Variants in CDADC1 observed in about 807,000 individuals in gnomAD.
The protein encoded by CDADC1 is dCTP deaminase.
In CDADC1, 39 loss-of-function variants were observed where a neutral mutation model predicts 54.9. The observed-to-expected ratio is 0.71, with a 90% CI of 0.55 to 0.93. The LOEUF is 0.93. CDADC1 is among the 40% of genes least tolerant of loss of function. The pLI, the probability that CDADC1 is intolerant of heterozygous loss-of-function variation, is 0.00. For missense variants in CDADC1, 518 were observed against 618.8 expected (o/e 0.84, Z 1.73); for synonymous variants, 186 against 204.0 (o/e 0.91, Z 0.75).
At chr13:49,291,192 G>A (rs1426274379) in intron 9 of CDADC1, among the ~76,000 whole-genome samples, 4 of 142,126 alleles carry the variant, frequency 2.8e-5, no homozygotes, top group Admixed American at 1.5e-4. Flanking sequence ...TTTGAGACAG[G>A]GTCTCGCTGT....
intron 2 of CDADC1, among the ~76,000 whole-genome samples, chr13:49,253,071 T>G (rs1315780206): frequency 6.6e-6 from 1 of 152,220 alleles, no homozygotes; most frequent in Non-Finnish European, 1.5e-5. Flanking sequence ...GTAATAAGAT[T>G]GTTTCACTTA....
At chr13:49,291,202 T>C (rs963444109) in intron 9 of CDADC1, among the ~76,000 whole-genome samples, 3 of 150,596 alleles carry the variant, frequency 2.0e-5, no homozygotes, top group African/African-American at 7.3e-5. Flanking sequence ...GGTCTCGCTG[T>C]GTCACCCAGG....
At chr13:49,270,533 T>C (rs1184323091) in intron 5 of CDADC1, among the ~76,000 whole-genome samples, 14 of 152,178 alleles carry the variant, frequency 9.2e-5, no homozygotes, top group Admixed American at 9.2e-4. Context: ...TTTAAAAAGG[T>C]AATATGGTAC....
At position 49,291,925 on chromosome 13, in the gene CDADC1, T is replaced by C; in HGVS notation, c.*168T>C. On this transcript the variant is annotated 3_prime_UTR_variant, in exon 10 of 10. Transcript: ENST00000251108. Reference sequence around the variant, plus strand: ...CAAATGGTGTTAATAAGAATATTTGTCTTTTAGATTTATGTGTGGGTTTTC... The same window carrying C: ...CAAATGGTGTTAATAAGAATATTTGCCTTTTAGATTTATGTGTGGGTTTTC... The C allele has an allele frequency of 7.2e-7, 1 of 1,382,962 alleles. No individual in the cohort carries two copies. Among genetic ancestry groups the C allele is most frequent in the South Asian group, 1.7e-5 (1 of 60,324 alleles). The allele number at this position is 1,382,962 out of a possible 1,614,324, so 85.7% of individuals were successfully genotyped here.
intron 4 of CDADC1, among the ~76,000 whole-genome samples, chr13:49,260,995 T>A (rs1339421298): frequency 6.6e-6 from 1 of 152,170 alleles, no homozygotes; most frequent in African/African-American, 2.4e-5. Context: ...TATGGAGTCA[T>A]CAAGTTGTAA....
chr13:49,290,188 C>T (rs931186733), intron 9 of CDADC1, among the ~76,000 whole-genome samples: 2 of 151,688 alleles, frequency 1.3e-5, no homozygotes, highest in African/African-American at 4.8e-5. Flanking sequence ...GGGGATGGGA[C>T]GAGAGAGGGA....
chr13:49,267,970 A>G lies in CDADC1; in HGVS notation c.911A>G (p.Glu304Gly). 2 of 1,614,144 alleles carry G rather than the reference A, an allele frequency of 1.2e-6. No homozygotes were observed. The highest frequency in any genetic ancestry group is 1.7e-6 in the Non-Finnish European group (2 of 1,180,010). ...TTCGGATTTTACCGTAGCAATCCAG[A>G]ACAGATTAATGAAATTCACAATCAA... Reference protein sequence around the residue: ...KHFGFYRSNPEQINEIHNQSL... With the variant: ...KHFGFYRSNPGQINEIHNQSL... The change falls in exon 5 of 10, where the codon GAA becomes GGA. Residue 304 changes from glutamate (E) to glycine (G), a missense_variant. Glu to Gly is a moderately conservative substitution (Grantham distance 98, BLOSUM62 -2). Transcript: ENST00000251108.
At chr13:49,250,591 C>T (rs1256184955) in intron 2 of CDADC1, among the ~76,000 whole-genome samples, 1 of 152,184 alleles carries the variant, frequency 6.6e-6, no homozygotes, top group South Asian at 2.1e-4. Context: ...GTCCTCAGGC[C>T]AGAAAGTGAA....
rs57894843 is a variant in CDADC1, at chr13:49,292,766, G to A, written c.*1009G>A. On this transcript the variant is annotated 3_prime_UTR_variant, in exon 10 of 10. Transcript: ENST00000251108. ...TTCCAAAAATGAAGGTACATTTTCT[G>A]TTCTCTCCTAGGTTAGAGAGGGGTG... The A allele has an allele frequency of 7.8e-7, 1 of 1,275,402 alleles. No homozygotes were observed. Among genetic ancestry groups the A allele is most frequent in the South Asian group, 1.3e-5 (1 of 78,388 alleles). The allele number at this position is 1,275,402 out of a possible 1,614,324, so 79.0% of individuals were successfully genotyped here.
chr13:49,251,646 T>C (rs1197658729), intron 2 of CDADC1, among the ~76,000 whole-genome samples: 1 of 152,136 alleles, frequency 6.6e-6, no homozygotes, highest in Non-Finnish European at 1.5e-5. Flanking sequence ...CAACTAATTG[T>C]TGAAGTTTAT....
intron 2 of CDADC1, among the ~76,000 whole-genome samples, chr13:49,249,482 C>T (rs992621576): frequency 6.6e-6 from 1 of 152,170 alleles, no homozygotes; most frequent in African/African-American, 2.4e-5. Flanking sequence ...GCCTGTAATC[C>T]TAGCACTTTG....
At chr13:49,288,050 TA>T (rs1175222016) in intron 9 of CDADC1, among the ~76,000 whole-genome samples, 4 of 151,858 alleles carry the variant, frequency 2.6e-5, no homozygotes, top group Non-Finnish European at 4.4e-5. Flanking sequence ...TTGCCACTTA[TA>T]ATCAACAAAG....
At chr13:49,278,075 TGTTA>T (rs1362795845) in intron 6 of CDADC1, among the ~76,000 whole-genome samples, 4 of 152,204 alleles carry the variant, frequency 2.6e-5, no homozygotes, top group Admixed American at 2.0e-4. Flanking sequence ...TGAAATAATT[TGTTA>T]GTTAAGTAAG....
At chr13:49,286,365 T>TTAATGATCAG in intron 9 of CDADC1, 83 bp downstream of exon 9, 1 of 999,806 alleles carries the variant, frequency 1.0e-6, no homozygotes, top group Non-Finnish European at 1.6e-6. Flanking sequence ...TGATGAAAAT[T>TTAATGATCAG]GTGTTAATAG....
At chr13:49,260,423 G>C (rs1952651267) in intron 4 of CDADC1, among the ~76,000 whole-genome samples, 1 of 152,138 alleles carries the variant, frequency 6.6e-6, no homozygotes, top group Non-Finnish European at 1.5e-5. Flanking sequence ...TGTATCCAGA[G>C]GCAGACTGAG....
chr13:49,271,912 G>A (rs750170560), intron 5 of CDADC1, among the ~76,000 whole-genome samples: 5 of 152,320 alleles, frequency 3.3e-5, no homozygotes, highest in Middle Eastern at 6.8e-3. Flanking sequence ...TACCTCATCT[G>A]TCACCAGCCT....
chr13:49,268,649 A>C (rs890726328), intron 5 of CDADC1, among the ~76,000 whole-genome samples: 2 of 152,190 alleles, frequency 1.3e-5, no homozygotes, highest in Non-Finnish European at 2.9e-5. Flanking sequence ...CCAGAGACAC[A>C]GCAAGACTCT....
At chr13:49,258,189 A>T (rs1467448103) in intron 3 of CDADC1, among the ~76,000 whole-genome samples, 1 of 152,178 alleles carries the variant, frequency 6.6e-6, no homozygotes, top group African/African-American at 2.4e-5. Context: ...CGAAACTGAA[A>T]CTTGACTAGT....
chr13:49,255,007 C>T (rs955160569), intron 2 of CDADC1, among the ~76,000 whole-genome samples: 1 of 152,142 alleles, frequency 6.6e-6, no homozygotes, highest in Non-Finnish European at 1.5e-5. Flanking sequence ...TAAAACAACA[C>T]AAATTTATTA....
Sources: gnomAD v4.1 joint callset for allele counts (sites outside exome capture counted in the v4.1 genomes callset) on GRCh38, gnomAD v4.1.1 for gene constraint, MANE v1.5 for transcripts, NCBI Gene and HGNC (gene_info 2026-07-23, HGNC 2026-07-21) for gene names.